SVIL: variants seen among roughly 807,000 people sequenced by gnomAD.
The protein encoded by SVIL is archvillin.
Under a neutral mutation model 240.4 loss-of-function variants are expected in SVIL, and 101 were observed. The ratio of observed to expected loss-of-function variants is 0.42; its 90% confidence interval spans 0.36 to 0.50. SVIL has a LOEUF of 0.50. SVIL is among the 20% of genes least tolerant of loss of function. The pLI is 0.01. For synonymous variants in SVIL, 999 were observed against 1,100.0 expected, an observed-to-expected ratio of 0.91 and a Z score of 1.82; for missense variants, 2,512 against 2,818.7, an observed-to-expected ratio of 0.89 and a Z score of 2.46.
At chr10:29,613,550 C>T (rs1957328111) in intron 1 of SVIL, among the ~76,000 whole-genome samples, 1 of 151,900 alleles carries the variant, frequency 6.6e-6, no homozygotes, top group Non-Finnish European at 1.5e-5. Context: ...GTTGCCAGGG[C>T]TTGTCTTGAA....
intron 1 of SVIL, among the ~76,000 whole-genome samples, chr10:29,620,886 G>A (rs980883018): frequency 6.6e-6 from 1 of 152,042 alleles, no homozygotes; most frequent in African/African-American, 2.4e-5. Context: ...CAAAGTGCTG[G>A]GATTACAGGT....
chr10:29,608,673 G>A (rs770845939), intron 1 of SVIL, among the ~76,000 whole-genome samples: 6 of 152,236 alleles, frequency 3.9e-5, no homozygotes, highest in Non-Finnish European at 8.8e-5. Context: ...TCTGGACTTC[G>A]GGCAGTGATG....
chr10:29,571,033 G>A (rs1955385270), intron 1 of SVIL, among the ~76,000 whole-genome samples: 1 of 152,218 alleles, frequency 6.6e-6, no homozygotes, highest in African/African-American at 2.4e-5. Flanking sequence ...GAACATGGCT[G>A]CACACAGACG....
chr10:29,463,665 C>G, intron 34 of SVIL, 30 bp from the exon 35 acceptor site: 1 of 1,608,902 alleles, frequency 6.2e-7, no homozygotes, highest in Non-Finnish European at 8.5e-7. Context: ...GCCAGACCAT[C>G]AGGAGCTCCT....
At chr10:29,556,285 G>C (rs369210393) in intron 3 of SVIL, among the ~76,000 whole-genome samples, 215 of 152,296 alleles carry the variant, frequency 1.4e-3, no homozygotes, top group African/African-American at 4.9e-3. Flanking sequence ...GAAAGAGAGA[G>C]GGGTGGCTGG....
chr10:29,626,743 G>T (rs1957886146), intron 1 of SVIL, among the ~76,000 whole-genome samples: 1 of 152,228 alleles, frequency 6.6e-6, no homozygotes, highest in African/African-American at 2.4e-5. Flanking sequence ...TAAAGAATCA[G>T]GCTGGGCGCG....
At position 29,475,668 on chromosome 10, in the gene SVIL, T is replaced by G. The variant is rs947068596; in HGVS notation, c.5378-1679A>C. On this transcript the variant is annotated intron_variant, in intron 29 of 37. Coordinates refer to ENST00000355867, the MANE Select transcript of SVIL (RefSeq NM_021738.3). ...TGATGCTAATCTGGAAGCAGAAGCT[T>G]CTAGGCTGAGTGAGGCCAGTAGACC... Among the ~76,000 whole-genome samples, 3 of 152,066 alleles carry G rather than the reference T, an allele frequency of 2.0e-5. No homozygotes were observed. The East Asian group carries it at 5.8e-4, about 29-fold the overall frequency.
At chr10:29,560,198 A>C (rs1219623810) in intron 3 of SVIL, among the ~76,000 whole-genome samples, 4 of 152,218 alleles carry the variant, frequency 2.6e-5, no homozygotes, top group Admixed American at 6.5e-5. Context: ...TATAAAGACA[A>C]GCAGCTCATA....
intron 1 of SVIL, among the ~76,000 whole-genome samples, chr10:29,615,462 T>C (rs1343435823): frequency 2.0e-5 from 3 of 152,248 alleles, no homozygotes; most frequent in African/African-American, 7.2e-5. Context: ...TAATTACTCA[T>C]TGTGTTAAAA....
intron 16 of SVIL, among the ~76,000 whole-genome samples, chr10:29,516,358 G>A (rs1487094559): frequency 6.6e-6 from 1 of 152,222 alleles, no homozygotes; most frequent in African/African-American, 2.4e-5. Flanking sequence ...AGCCTACGGA[G>A]CACATGACGA....
intron 6 of SVIL, 134 bp downstream of exon 6, chr10:29,550,463 C>A (rs1203328052): frequency 1.6e-5 from 16 of 996,500 alleles, no homozygotes; most frequent in Admixed American, 1.5e-4. Context: ...AAAAAAGAAT[C>A]ATATACTATG....
At chr10:29,505,148 C>T (rs948565208) in intron 17 of SVIL, among the ~76,000 whole-genome samples, 6 of 152,140 alleles carry the variant, frequency 3.9e-5, no homozygotes, top group Non-Finnish European at 8.8e-5. Flanking sequence ...CATGGCGAAA[C>T]CCCATCTCTA....
chr10:29,523,512 C>A lies in SVIL; in HGVS notation c.3102G>T (p.Arg1034Ser). ...CCTCCACCTTCTCTTCAAAGGGCAG[C>A]CTGTCCCTCAAGTCCAAGTTTCCTT... ...NAQGNLDLRD[R>S]LPFEEKVEVE... The change falls in exon 15 of 38, where the codon AGG (arginine) becomes AGT (serine). Residue 1034 changes from arginine (R) to serine (S), a missense_variant. Physicochemically the swap from Arg to Ser is moderately radical, Grantham distance 110. Coordinates refer to ENST00000355867, the MANE Select transcript of SVIL (RefSeq NM_021738.3). 1 of 1,613,992 alleles carries A rather than the reference C, an allele frequency of 6.2e-7. No homozygotes were observed. The highest frequency in any genetic ancestry group is 8.5e-7 in the Non-Finnish European group (1 of 1,179,950).
At chr10:29,683,309 G>T (rs888703746) in intron 2 of SVIL, among the ~76,000 whole-genome samples, 2 of 152,198 alleles carry the variant, frequency 1.3e-5, no homozygotes, top group Non-Finnish European at 2.9e-5. Flanking sequence ...GGAGACCAGG[G>T]TGTTAGTATG....
Position 29,551,175 on chromosome 10 carries a change from G to T in SVIL, c.249C>A (p.His83Gln). The T allele has an allele frequency of 1.2e-6, 2 of 1,614,112 alleles. No individual in the cohort carries two copies. Among genetic ancestry groups the T allele is most frequent in the South Asian group, 2.2e-5 (2 of 91,070 alleles). The change falls in exon 6 of 38, where the codon CAC becomes CAA. Residue 83 changes from histidine to glutamine, a missense_variant. By Grantham distance (24) the His-to-Gln change is conservative. Coordinates refer to ENST00000355867, the MANE Select transcript of SVIL (RefSeq NM_021738.3). ...SKYCTETSGV[H>Q]GDSPYGSGTM... ...TACCCGAACCATAGGGTGAGTCACC[G>T]TGGACACCGGAGGTTTCTGTGCAGT...
At position 29,495,583 on chromosome 10, in the gene SVIL, G is replaced by C. The variant is rs370982441; in HGVS notation, c.3665-402C>G. ...ACTTGCCAGCAAGTGGCCCCCCGCAGTGGAGCTCTCCTCCAGGCTGAGGGG... is the reference window on the plus strand; with the variant it reads ...ACTTGCCAGCAAGTGGCCCCCCGCACTGGAGCTCTCCTCCAGGCTGAGGGG... On this transcript the variant is annotated intron_variant, in intron 18 of 37. Transcript: ENST00000355867. Among the ~76,000 whole-genome samples, 979 of 152,242 alleles carry C rather than the reference G, an allele frequency of 6.4e-3. 11 individuals are homozygous for C. Among genetic ancestry groups the C allele is most frequent in the African/African-American group, 0.022 (919 of 41,504 alleles).
At position 29,463,535 on chromosome 10, in the gene SVIL, G is replaced by C; in HGVS notation, c.6234C>G (p.Ser2078=). ...CAGTCTCCATCGCACTCTTCCGGTC[G>C]GAGGCCCAGCGGATGCGGGCGGAAC... ...ITGSARIRWA[S]DRKSAMETVL... Residue 2078 remains serine (S), a synonymous_variant, in exon 35 of 38, where the codon TCC becomes TCG. Coordinates refer to ENST00000355867, the MANE Select transcript of SVIL (RefSeq NM_021738.3). The C allele has an allele frequency of 6.2e-7, 1 of 1,614,082 alleles. No homozygotes were observed. The highest frequency in any genetic ancestry group is 8.5e-7 in the Non-Finnish European group (1 of 1,180,028).
chr10:29,506,745 CCT>C (rs1949358320), intron 17 of SVIL, among the ~76,000 whole-genome samples: 1 of 145,720 alleles, frequency 6.9e-6, no homozygotes, highest in African/African-American at 2.5e-5. Context: ...GGACAGAGGC[CCT>C]AGAGGGAGGG....
intron 3 of SVIL, chr10:29,643,971 C>A (rs751061204): frequency 5.8e-6 from 3 of 518,068 alleles, no homozygotes; most frequent in Non-Finnish European, 1.2e-5. Context: ...GCCTCTCACA[C>A]GGCTGGAGCA....
Sources: allele counts gnomAD v4.1 joint callset (sites outside exome capture counted in the v4.1 genomes callset), GRCh38; gene constraint gnomAD v4.1.1; transcripts MANE v1.5; gene names NCBI Gene and HGNC (gene_info 2026-07-23, HGNC 2026-07-21).